STAU2: variants seen among roughly 807,000 people sequenced by gnomAD.
STAU2 encodes the protein staufen double-stranded RNA binding protein 2.
Under a neutral mutation model 65.9 loss-of-function variants are expected in STAU2, and 20 were observed. That is an observed-to-expected ratio of 0.30 (90% CI 0.21 to 0.44). STAU2 has a LOEUF of 0.44. STAU2 is among the 20% of genes least tolerant of loss of function. The probability of loss-of-function intolerance (pLI) is 1.00; values close to 1 mark genes in which losing one functional copy is unlikely to be tolerated. For missense variants in STAU2, 558 were observed against 683.9 expected, an observed-to-expected ratio of 0.82 and a Z score of 2.05; for synonymous variants, 232 against 233.9, an observed-to-expected ratio of 0.99 and a Z score of 0.07.
intron 13 of STAU2, among the ~76,000 whole-genome samples, chr8:73,500,633 C>T (rs142577861): frequency 1.7e-3 from 262 of 151,730 alleles, no homozygotes; most frequent in African/African-American, 6.1e-3. Context: ...GTTATATTTT[C>T]GATTAGAAAA....
rs11290308 is a variant in STAU2, at chr8:73,704,505, CT to C, written c.114+4526del. ...GTAGTGCGCTATTTTTTTAAAGGTC[CT>C]TATCAGTTACAGATGCATACCAAAG... On this transcript the variant is annotated intron_variant, in intron 4 of 14. Coordinates refer to ENST00000524300, the MANE Select transcript of STAU2 (RefSeq NM_001164380.2). Among the ~76,000 whole-genome samples the C allele has an allele frequency of 8.0e-3, 1,224 of 152,116 alleles. 23 individuals are homozygous for C. The highest frequency in any genetic ancestry group is 0.028 in the African/African-American group (1,141 of 41,480).
At chr8:73,606,491 C>A (rs1172072929) in intron 9 of STAU2, among the ~76,000 whole-genome samples, 1 of 152,076 alleles carries the variant, frequency 6.6e-6, no homozygotes, top group Non-Finnish European at 1.5e-5. Context: ...ATAAAAAATT[C>A]TTGATATCAT....
At chr8:73,462,254 A>C (rs926785075) in intron 13 of STAU2, among the ~76,000 whole-genome samples, 1 of 147,942 alleles carries the variant, frequency 6.8e-6, no homozygotes, top group Non-Finnish European at 1.5e-5. Context: ...TAATTTTTGT[A>C]TTTTTTTTTC....
intron 4 of STAU2, among the ~76,000 whole-genome samples, chr8:73,699,873 A>C (rs1049737830): frequency 2.0e-5 from 3 of 151,584 alleles, no homozygotes; most frequent in East Asian, 1.9e-4. Flanking sequence ...AAAAAAAAAA[A>C]AAAAAACCTA....
chr8:73,604,812 T>C lies in STAU2; in HGVS notation c.892-949A>G, dbSNP rs183241749. The stretch of plus-strand genomic sequence containing the variant: ...TGAGAATGGGGAGTAACAGAAACTC[T>C]TATAAAACACTGGGAGTACTATAAA... On this transcript the variant is annotated intron_variant, in intron 9 of 14. Transcript: ENST00000524300. Among the ~76,000 whole-genome samples, 7 of 152,262 alleles carry C rather than the reference T, an allele frequency of 4.6e-5. No individual in the cohort carries two copies. In the East Asian group the frequency reaches 1.4e-3, roughly 29 times the overall value.
chr8:73,567,703 C>T (rs1381396863), intron 12 of STAU2, among the ~76,000 whole-genome samples: 1 of 151,924 alleles, frequency 6.6e-6, no homozygotes, highest in Non-Finnish European at 1.5e-5. Context: ...ATGTGCCACA[C>T]CATGCCTGGC....
At chr8:73,743,207 A>C (rs561081330) in intron 1 of STAU2, among the ~76,000 whole-genome samples, 28 of 152,054 alleles carry the variant, frequency 1.8e-4, no homozygotes, top group Admixed American at 2.0e-4. Flanking sequence ...GAAAACTCTA[A>C]ATAACACAGG....
intron 6 of STAU2, among the ~76,000 whole-genome samples, chr8:73,623,802 T>A (rs1464273192): frequency 2.0e-5 from 3 of 152,194 alleles, no homozygotes; most frequent in Non-Finnish European, 2.9e-5. Context: ...TGTATGTATA[T>A]AAAATATCTA....
chr8:73,657,527 T>C (rs1236348983), intron 6 of STAU2, among the ~76,000 whole-genome samples: 2 of 152,224 alleles, frequency 1.3e-5, no homozygotes, highest in African/African-American at 4.8e-5. Flanking sequence ...TCAACAGTTA[T>C]AGCAATAAAC....
At chr8:73,472,827 G>GAA (rs1820107030) in intron 13 of STAU2, among the ~76,000 whole-genome samples, 1 of 152,092 alleles carries the variant, frequency 6.6e-6, no homozygotes. Context: ...TATATGTTGT[G>GAA]CCAGTAAGCT....
chr8:73,590,207 A>C (rs1197779908), intron 11 of STAU2, among the ~76,000 whole-genome samples: 1 of 150,764 alleles, frequency 6.6e-6, no homozygotes, highest in Non-Finnish European at 1.5e-5. Flanking sequence ...AGAAAAATAG[A>C]AAGAAGGGAG....
chr8:73,734,973 T>A (rs1806329020), intron 3 of STAU2, among the ~76,000 whole-genome samples: 1 of 151,986 alleles, frequency 6.6e-6, no homozygotes, highest in Non-Finnish European at 1.5e-5. Flanking sequence ...CTCATTCTGT[T>A]ACCCAGGCTG....
chr8:73,522,993 C>T (rs10093352), intron 13 of STAU2, among the ~76,000 whole-genome samples: 57,082 of 151,598 alleles, frequency 0.38, 12,330 homozygotes, highest in Non-Finnish European at 0.48. Flanking sequence ...GTCAGGAGTT[C>T]GAGACCAGTC....
At chr8:73,577,172 T>C (rs990361397) in intron 12 of STAU2, among the ~76,000 whole-genome samples, 2 of 152,156 alleles carry the variant, frequency 1.3e-5, no homozygotes, top group Admixed American at 6.5e-5. Context: ...CTCACGCCTG[T>C]AATCCCAGCA....
At chr8:73,562,534 G>C (rs1808308845) in intron 12 of STAU2, among the ~76,000 whole-genome samples, 1 of 152,078 alleles carries the variant, frequency 6.6e-6, no homozygotes, top group Non-Finnish European at 1.5e-5. Flanking sequence ...ACCACCCATT[G>C]GGAAAAATGT....
chr8:73,692,958 G>A (rs1379885314), intron 4 of STAU2, among the ~76,000 whole-genome samples: 9 of 151,982 alleles, frequency 5.9e-5, no homozygotes, highest in African/African-American at 2.2e-4. Context: ...TCAGAAGTTC[G>A]AGACCAGCCT....
intron 13 of STAU2, among the ~76,000 whole-genome samples, chr8:73,450,156 A>G (rs1256624083): frequency 6.6e-6 from 1 of 152,224 alleles, no homozygotes; most frequent in Non-Finnish European, 1.5e-5. Context: ...ACAGAAACTT[A>G]CTTCTTTAGG....
intron 13 of STAU2, among the ~76,000 whole-genome samples, chr8:73,485,007 C>T (rs1398242802): frequency 6.6e-6 from 1 of 152,000 alleles, no homozygotes; most frequent in Admixed American, 6.6e-5. Flanking sequence ...TAGATACATT[C>T]TAATTTCACA....
At chr8:73,687,900 G>T (rs1819049965) in intron 5 of STAU2, among the ~76,000 whole-genome samples, 1 of 151,218 alleles carries the variant, frequency 6.6e-6, no homozygotes, top group African/African-American at 2.4e-5. Flanking sequence ...TTTTTTAGTA[G>T]AGACAGGGTT....
Sources: gnomAD v4.1 joint callset for allele counts (sites outside exome capture counted in the v4.1 genomes callset) on GRCh38, gnomAD v4.1.1 for gene constraint, MANE v1.5 for transcripts, NCBI Gene and HGNC (gene_info 2026-07-23, HGNC 2026-07-21) for gene names.